FXYD5: variants seen among roughly 807,000 people sequenced by gnomAD.
FXYD5 encodes the protein FXYD domain-containing ion transport regulator 5.
Under a neutral mutation model 25.7 loss-of-function variants are expected in FXYD5, and 21 were observed. The observed-to-expected ratio is 0.82, with a 90% confidence interval of 0.58 to 1.18. The LOEUF is 1.18. FXYD5 is among the 50% of genes most tolerant of loss of function. FXYD5 has a pLI of 0.00. For synonymous variants in FXYD5, 101 were observed against 90.7 expected, an observed-to-expected ratio of 1.11 and a Z score of -0.64; for missense variants, 229 against 227.7, an observed-to-expected ratio of 1.01 and a Z score of -0.04.
intron 2 of FXYD5, 68 bp downstream of exon 2, chr19:35,155,679 G>T: frequency 8.5e-7 from 1 of 1,181,524 alleles, no homozygotes; most frequent in African/African-American, 1.5e-5. Flanking sequence ...CGTGTGCTGC[G>T]GGGTGGGTGG....
intron 5 of FXYD5, 124 bp downstream of exon 5, chr19:35,160,925 A>G: frequency 1.6e-6 from 1 of 639,632 alleles, no homozygotes; most frequent in Admixed American, 2.8e-5. Context: ...TTTAAAAAAA[A>G]TGTTTTTGGT....
At chr19:35,161,896 G>A (rs141743882) in intron 5 of FXYD5, among the ~76,000 whole-genome samples, 9 of 152,240 alleles carry the variant, frequency 5.9e-5, no homozygotes, top group South Asian at 2.1e-4. Flanking sequence ...TCCCTTTGTC[G>A]GTCTTTATAA....
chr19:35,159,688 G>T, intron 4 of FXYD5: 2 of 1,512,012 alleles, frequency 1.3e-6, no homozygotes, highest in South Asian at 1.3e-5. Context: ...TAAATATTTT[G>T]CGTATGTTAA....
intron 1 of FXYD5, chr19:35,155,297 G>C: frequency 1.8e-6 from 1 of 565,796 alleles, no homozygotes; most frequent in Admixed American, 3.1e-5. Context: ...CCTTGCAGCT[G>C]CTGGAAGACC....
Position 35,158,405 on chromosome 19 carries a change from G to A in FXYD5, c.199+5G>A, listed in dbSNP as rs1012306733. The A allele has an allele frequency of 2.6e-6, 4 of 1,566,012 alleles. No individual in the cohort carries two copies. The highest frequency in any genetic ancestry group is 1.4e-5 in the African/African-American group (1 of 73,768). ...CCCCAACCTGGCCTGCTGATGGTGA[G>A]TAGTGCAGGGGCAGGCGGCGGGGAC... On this transcript the variant is annotated splice_donor_5th_base_variant and intron_variant, in intron 4 of 8. Transcript: ENST00000392219.
intron 2 of FXYD5, 50 bp downstream of exon 2, chr19:35,155,661 C>T: frequency 7.3e-7 from 1 of 1,367,446 alleles, no homozygotes; most frequent in Non-Finnish European, 1.0e-6. Flanking sequence ...CCAGCCAGGC[C>T]AGCCCCACGT....
intron 1 of FXYD5, chr19:35,155,202 C>T (rs1040704257): frequency 2.7e-6 from 1 of 366,748 alleles, no homozygotes; most frequent in East Asian, 5.9e-5. Context: ...GCCCCAGTCC[C>T]CTCCTTGCGT....
intron 5 of FXYD5, among the ~76,000 whole-genome samples, chr19:35,161,521 CA>C (rs1316759041): frequency 6.6e-6 from 1 of 152,228 alleles, no homozygotes; most frequent in Non-Finnish European, 1.5e-5. Flanking sequence ...GCTGGAGTCA[CA>C]TGCTCATGTC....
intron 1 of FXYD5, 39 bp from the exon 2 acceptor site, chr19:35,155,512 T>C (rs745966237): frequency 6.4e-7 from 1 of 1,573,000 alleles, no homozygotes; most frequent in Admixed American, 1.7e-5. Flanking sequence ...TCGGTCTCAC[T>C]GACATCATGG....
chr19:35,157,831 C>T (rs1343893624), intron 3 of FXYD5, among the ~76,000 whole-genome samples: 1 of 152,148 alleles, frequency 6.6e-6, no homozygotes, highest in African/African-American at 2.4e-5. Context: ...AGCAAATGTC[C>T]CAGAACTGAG....
chr19:35,161,806 A>C (rs1688007), intron 5 of FXYD5, among the ~76,000 whole-genome samples: 126,057 of 152,198 alleles, frequency 0.83, 52,686 homozygotes, highest in African/African-American at 0.95. Context: ...AGTGTTGTAG[A>C]GTAGGCCACT....
chr19:35,165,833 G>A (rs1405321798), intron 6 of FXYD5, among the ~76,000 whole-genome samples: 1 of 152,128 alleles, frequency 6.6e-6, no homozygotes, highest in African/African-American at 2.4e-5. Context: ...AGTGAAGGAG[G>A]GAGCCATGCG....
intron 8 of FXYD5, chr19:35,166,618 T>C (rs2065453521): frequency 2.2e-6 from 1 of 447,416 alleles, no homozygotes. Context: ...ACTTTGTTTC[T>C]GGGGTGCCTT....
chr19:35,163,178 C>A (rs952072412), intron 5 of FXYD5, among the ~76,000 whole-genome samples: 1 of 152,234 alleles, frequency 6.6e-6, no homozygotes, highest in Non-Finnish European at 1.5e-5. Flanking sequence ...TTCCTGTGGT[C>A]TCTGCCGTGG....
chr19:35,159,849 G>C lies in FXYD5; in HGVS notation c.200-860G>C. ...ATCGAAGTCCAGGAATCTGGCACCAGAGCCTGTGCTTTTATCCAAGACAAT... is the reference window on the plus strand; with the variant it reads ...ATCGAAGTCCAGGAATCTGGCACCACAGCCTGTGCTTTTATCCAAGACAAT... On this transcript the variant is annotated intron_variant, in intron 4 of 8. Transcript: ENST00000392219. The C allele has an allele frequency of 8.5e-6, 5 of 588,218 alleles. No individual in the cohort carries two copies. In the South Asian group the frequency reaches 1.1e-4, roughly 13 times the overall value. 36.4% of individuals were successfully genotyped at this position (588,218 alleles called of 1,614,324 possible). A position where few individuals can be genotyped will look rare whatever the true frequency, so the allele number is the denominator to read the frequency against.
At chr19:35,166,597 G>A (rs567697320) in intron 8 of FXYD5, 5 of 446,280 alleles carry the variant, frequency 1.1e-5, no homozygotes, top group South Asian at 1.3e-4. Flanking sequence ...TCAGTTGTGG[G>A]TCAGCAGGAA....
chr19:35,158,414 GGGCAGGC>G lies in FXYD5; in HGVS notation c.199+18_199+24del. On this transcript the variant is annotated intron_variant, in intron 4 of 8. Transcript: ENST00000392219. ...GGCCTGCTGATGGTGAGTAGTGCAG[GGGCAGGC>G]GGCGGGGACAGGACCAAGACAAACA... is the stretch of plus-strand genomic sequence containing the variant. 2.0e-6 allele frequency: 3 copies of G among 1,516,426 alleles called. No individual in the cohort carries two copies. Among genetic ancestry groups the G allele is most frequent in the Non-Finnish European group, 1.8e-6 (2 of 1,091,624 alleles). 93.9% of individuals were successfully genotyped at this position (1,516,426 alleles called of 1,614,324 possible).
intron 6 of FXYD5, among the ~76,000 whole-genome samples, chr19:35,165,204 G>A (rs905822116): frequency 6.6e-6 from 1 of 152,190 alleles, no homozygotes; most frequent in African/African-American, 2.4e-5. Context: ...AGAAAGTAAA[G>A]GAATAAAGAA....
intron 8 of FXYD5, among the ~76,000 whole-genome samples, chr19:35,168,708 C>T (rs1360396242): frequency 3.9e-5 from 6 of 152,180 alleles, no homozygotes; most frequent in Admixed American, 3.9e-4. Flanking sequence ...CTGCTGTTCC[C>T]TCTGCCTGTA....
Sources: gnomAD v4.1 joint callset for allele counts (sites outside exome capture counted in the v4.1 genomes callset) on GRCh38, gnomAD v4.1.1 for gene constraint, MANE v1.5 for transcripts, NCBI Gene and HGNC (gene_info 2026-07-23, HGNC 2026-07-21) for gene names.